The following EPHA5 variants were observed in gnomAD, a reference collection of about 807,000 sequenced individuals.
EPHA5 encodes EPH receptor A5, also known as ephrin type-A receptor 5.
EPHA5 carries 60 observed loss-of-function variants against 105.0 expected under a neutral mutation model. The ratio of observed to expected loss-of-function variants is 0.57; its 90% confidence interval spans 0.46 to 0.71. The LOEUF (loss-of-function observed/expected upper bound fraction) is 0.71. Among genes scored for constraint, EPHA5 ranks in the 30% least tolerant of loss-of-function variants. The pLI, the probability that EPHA5 is intolerant of heterozygous loss-of-function variation, is 0.00. For synonymous variants in EPHA5, 513 were observed against 449.1 expected, an observed-to-expected ratio of 1.14 and a Z score of -1.80; for missense variants, 1,218 against 1,274.7, an observed-to-expected ratio of 0.96 and a Z score of 0.68.
chr4:65,401,140 A>G (rs1258742158), intron 8 of EPHA5, among the ~76,000 whole-genome samples: 1 of 152,048 alleles, frequency 6.6e-6, no homozygotes, highest in Non-Finnish European at 1.5e-5. Flanking sequence ...CTATATTTTT[A>G]CATCTTTCCT....
chr4:65,641,686 C>T (rs563140639), intron 2 of EPHA5, among the ~76,000 whole-genome samples: 1 of 152,172 alleles, frequency 6.6e-6, no homozygotes, highest in East Asian at 1.9e-4. Context: ...AATATACATT[C>T]ATTAAGCCCC....
chr4:65,660,304 A>T (rs1237514578), intron 1 of EPHA5, among the ~76,000 whole-genome samples: 1 of 152,152 alleles, frequency 6.6e-6, no homozygotes, highest in Non-Finnish European at 1.5e-5. Context: ...TCGATATTAA[A>T]TAATGGGGAA....
At chr4:65,667,636 C>T (rs1750069745) in intron 1 of EPHA5, among the ~76,000 whole-genome samples, 1 of 152,134 alleles carries the variant, frequency 6.6e-6, no homozygotes, top group African/African-American at 2.4e-5. Flanking sequence ...GAGACCGGCG[C>T]TATTTCTCCT....
chr4:65,522,316 G>GTGTATATATATATATATA (rs777066757), intron 3 of EPHA5, among the ~76,000 whole-genome samples: 1 of 142,860 alleles, frequency 7.0e-6, no homozygotes, highest in Non-Finnish European at 1.5e-5. Flanking sequence ...ATATATATAT[G>GTGTATATATATATATATA]TATATATATA....
intron 5 of EPHA5, among the ~76,000 whole-genome samples, chr4:65,426,876 C>T (rs1240879900): frequency 6.6e-6 from 1 of 151,900 alleles, no homozygotes; most frequent in Non-Finnish European, 1.5e-5. Context: ...ATAGGTAGAA[C>T]TATATTTGAA....
chr4:65,617,333 A>T (rs1745329352), intron 2 of EPHA5, among the ~76,000 whole-genome samples: 1 of 152,162 alleles, frequency 6.6e-6, no homozygotes, highest in African/African-American at 2.4e-5. Flanking sequence ...CAAACCTGTG[A>T]TCAATTGTTG....
chr4:65,610,780 G>A (rs1035509531), intron 2 of EPHA5, among the ~76,000 whole-genome samples: 1 of 152,010 alleles, frequency 6.6e-6, no homozygotes, highest in African/African-American at 2.4e-5. Context: ...AGTAATGAGT[G>A]CCATGAGTTA....
intron 5 of EPHA5, among the ~76,000 whole-genome samples, chr4:65,479,350 G>T (rs1015713765): frequency 2.0e-5 from 3 of 152,110 alleles, no homozygotes; most frequent in Non-Finnish European, 4.4e-5. Flanking sequence ...AAAGTCCAGA[G>T]ATTTAACCCA....
chr4:65,399,181 A>C (rs1238264722), intron 8 of EPHA5, among the ~76,000 whole-genome samples: 1 of 152,152 alleles, frequency 6.6e-6, no homozygotes, highest in African/African-American at 2.4e-5. Context: ...TCATCCAGAC[A>C]TGGTGCCCAC....
rs1374330043 is a variant in EPHA5, at chr4:65,601,917, G to A, written c.634C>T (p.Leu212Phe). 1.2e-6 allele frequency: 2 copies of A among 1,614,020 alleles called. No individual in the cohort carries two copies. The highest frequency in any genetic ancestry group is 1.3e-5 in the African/African-American group (1 of 74,924). The change falls in exon 3 of 17, where the codon CTT (leucine) becomes TTT (phenylalanine). Residue 212 changes from leucine (L) to phenylalanine (F), a missense_variant. By Grantham distance (22) the Leu-to-Phe change is conservative. Transcript: ENST00000613740. ...VGPLSKKGFYLAFQDVGACIA... is the reference protein window; with the variant it reads ...VGPLSKKGFYFAFQDVGACIA... ...CAAGCACCAACATCTTGAAAAGCAA[G>A]ATAAAATCCCTTTTTGCTTAGAGGT...
At chr4:65,575,996 G>GAAAGAA (rs1488078907) in intron 3 of EPHA5, among the ~76,000 whole-genome samples, 753 of 62,438 alleles carry the variant, frequency 0.012, 25 homozygotes, top group East Asian at 0.024. Flanking sequence ...GAGAGAGAGA[G>GAAAGAA]AGAGAGAAAG....
At chr4:65,417,628 TC>T (rs1176737448) in intron 6 of EPHA5, among the ~76,000 whole-genome samples, 16 of 152,092 alleles carry the variant, frequency 1.1e-4, no homozygotes, top group Non-Finnish European at 2.1e-4. Flanking sequence ...AGTCATTTTT[TC>T]TTAATTTGAG....
At chr4:65,666,926 T>A (rs1750015189) in intron 1 of EPHA5, among the ~76,000 whole-genome samples, 2 of 152,176 alleles carry the variant, frequency 1.3e-5, no homozygotes, top group Admixed American at 1.3e-4. Flanking sequence ...CACTTACATT[T>A]ATTCTGTATG....
At chr4:65,552,339 C>T (rs1366600917) in intron 3 of EPHA5, among the ~76,000 whole-genome samples, 1 of 152,202 alleles carries the variant, frequency 6.6e-6, no homozygotes, top group African/African-American at 2.4e-5. Flanking sequence ...TCCGTTATTA[C>T]TGCTAAGTTT....
chr4:65,640,275 G>T (rs1747524773), intron 2 of EPHA5, among the ~76,000 whole-genome samples: 3 of 130,218 alleles, frequency 2.3e-5, no homozygotes, highest in East Asian at 2.3e-4. Flanking sequence ...TCATTGCTCA[G>T]TTTTTTCTTT....
At chr4:65,329,814 T>G (rs1309549206) in intron 16 of EPHA5, among the ~76,000 whole-genome samples, 58 of 151,090 alleles carry the variant, frequency 3.8e-4, no homozygotes, top group African/African-American at 1.3e-3. Flanking sequence ...ACTGACTTTT[T>G]TTTTTTTTTT....
chr4:65,401,574 G>A (rs565245637), intron 8 of EPHA5, among the ~76,000 whole-genome samples: 5 of 152,178 alleles, frequency 3.3e-5, no homozygotes, highest in Admixed American at 1.3e-4. Flanking sequence ...CCTCAGATTC[G>A]TTTTTGGCGA....
intron 3 of EPHA5, among the ~76,000 whole-genome samples, chr4:65,503,882 A>G (rs1732735744): frequency 6.8e-6 from 1 of 147,546 alleles, no homozygotes; most frequent in Non-Finnish European, 1.5e-5. Context: ...CATTCAAGAC[A>G]ATTTTAATAG....
intron 3 of EPHA5, among the ~76,000 whole-genome samples, chr4:65,512,387 A>C (rs1180378954): frequency 6.6e-6 from 1 of 152,166 alleles, no homozygotes; most frequent in East Asian, 1.9e-4. Flanking sequence ...CCCCCATTCA[A>C]ATCTCATGTT....
Sources: gnomAD v4.1 joint callset for allele counts (sites outside exome capture counted in the v4.1 genomes callset) on GRCh38, gnomAD v4.1.1 for gene constraint, MANE v1.5 for transcripts, NCBI Gene and HGNC (gene_info 2026-07-23, HGNC 2026-07-21) for gene names.